Variants in SMTN observed in about 807,000 individuals in gnomAD.
SMTN encodes smoothelin.
In SMTN, 58 loss-of-function variants were observed where a neutral mutation model predicts 102.0. The ratio of observed to expected loss-of-function variants is 0.57; its 90% CI spans 0.46 to 0.71. The LOEUF is 0.71. Among genes scored for constraint, SMTN ranks in the 30% least tolerant of loss-of-function variants. The pLI is 0.00. For missense variants in SMTN, 1,185 were observed against 1,241.7 expected, an observed-to-expected ratio of 0.95 and a Z score of 0.69; for synonymous variants, 478 against 497.9, an observed-to-expected ratio of 0.96 and a Z score of 0.53.
In SMTN at chr22:31,099,087, G is replaced by A. The variant is rs745362626; in HGVS notation, c.2359G>A (p.Val787Met). 2 of 1,612,712 alleles carry A rather than the reference G, an allele frequency of 1.2e-6. No homozygotes were observed. Among genetic ancestry groups the A allele is most frequent in the South Asian group, 1.1e-5 (1 of 91,080 alleles). The change falls in exon 18 of 21, where the codon GTG becomes ATG. Residue 787 changes from valine to methionine, a missense_variant. Transcript: ENST00000333137. ...CAGCCCTGGCGGACCCCGCGCAGCC[G>A]TGCAGCGATCCACCAGCTTCGGGGT... ...AGSPGGPRAA[V>M]QRSTSFGVPN...
At chr22:31,099,444 T>C (rs57061227) in intron 18 of SMTN, 19 of 587,212 alleles carry the variant, frequency 3.2e-5, no homozygotes, top group African/African-American at 2.8e-4. Context: ...AGTCCCCTCC[T>C]TGTTGCTCTG....
chr22:31,096,937 G>T, intron 14 of SMTN, 40 bp downstream of exon 14: 1 of 1,612,922 alleles, frequency 6.2e-7, no homozygotes, highest in East Asian at 2.2e-5. Flanking sequence ...CTCAGGGTGG[G>T]AACACATCCT....
upstream of SMTN, among the ~76,000 whole-genome samples, chr22:31,077,729 C>T (rs2722062): frequency 0.14 from 20,700 of 151,894 alleles, 2,865 homozygotes; most frequent in African/African-American, 0.37. Flanking sequence ...CTGGAATTCA[C>T]TGCTGCCCAG....
chr22:31,093,435 C>T (rs1305071745), intron 11 of SMTN: 1 of 512,120 alleles, frequency 2.0e-6, no homozygotes, highest in Non-Finnish European at 3.7e-6. Flanking sequence ...CCCATAGAGT[C>T]CCCACCAGCA....
chr22:31,097,415 AGGGGT>A, intron 16 of SMTN, 77 bp downstream of exon 16: 1 of 1,346,182 alleles, frequency 7.4e-7, no homozygotes, highest in Non-Finnish European at 1.1e-6. Flanking sequence ...CGTTTTACAG[AGGGGT>A]GGGCTGGGCA....
In SMTN at chr22:31,098,763, G is replaced by T; in HGVS notation, c.2256G>T (p.Ala752=). 1 of 1,613,158 alleles carries T rather than the reference G, an allele frequency of 6.2e-7. No homozygotes were observed. The highest frequency in any genetic ancestry group is 8.5e-7 in the Non-Finnish European group (1 of 1,179,838). Residue 752 remains alanine, a synonymous_variant, in exon 17 of 21, where the codon GCG becomes GCT. Coordinates refer to ENST00000333137, the MANE Select transcript of SMTN (RefSeq NM_134269.3). The part of the protein sequence containing the change: ...QAEKKKELMK[A]QSLPKTSASQ... ...AGAAGAAGAAAGAGCTGATGAAGGC[G>T]CAGAGTCTGCCCAAGACCTCAGCCT... is the stretch of plus-strand genomic sequence containing the variant.
At chr22:31,096,938 A>G (rs2043637114) in intron 14 of SMTN, 41 bp downstream of exon 14, 1 of 1,612,606 alleles carries the variant, frequency 6.2e-7, no homozygotes, top group African/African-American at 1.3e-5. Flanking sequence ...TCAGGGTGGG[A>G]ACACATCCTC....
At chr22:31,068,496 C>G (rs1016410177) in intron 1 of SMTN, among the ~76,000 whole-genome samples, 2 of 152,132 alleles carry the variant, frequency 1.3e-5, no homozygotes, top group African/African-American at 4.8e-5. Context: ...AGCCCCTCAG[C>G]TGTCTTTTGT....
In SMTN at chr22:31,095,678, G is replaced by T. The variant is rs552519381; in HGVS notation, c.1861+69G>T. The T allele has an allele frequency of 2.8e-6, 4 of 1,414,776 alleles. No individual in the cohort carries two copies. The highest frequency in any genetic ancestry group is 3.9e-6 in the Non-Finnish European group (4 of 1,027,602). The allele number at this position is 1,414,776 out of a possible 1,614,324, so 87.6% of individuals were successfully genotyped here. ...CCCAGCTGCTCCCCTCATACTCTGG[G>T]GTCCATTTGTGGACACCCCAGCTTA... On this transcript the variant is annotated intron_variant, in intron 13 of 20. Transcript: ENST00000333137. The surrounding 1 kb of genome is among the most constrained non-coding windows in gnomAD (Gnocchi z 4.1).
chr22:31,085,936 G>C (rs12157641), intron 2 of SMTN, among the ~76,000 whole-genome samples: 31,555 of 152,134 alleles, frequency 0.21, 4,430 homozygotes, highest in East Asian at 0.45. Context: ...CAGAGACAAG[G>C]ACCCCATCTC....
chr22:31,095,276 AG>A lies in SMTN; in HGVS notation c.1633-26del. 1 of 1,611,072 alleles carries A rather than the reference AG, an allele frequency of 6.2e-7. No homozygotes were observed. On this transcript the variant is annotated intron_variant, in intron 11 of 20. Coordinates refer to ENST00000333137, the MANE Select transcript of SMTN (RefSeq NM_134269.3). The surrounding 1 kb of genome is among the most constrained non-coding windows in gnomAD (Gnocchi z 4.1). ...GAGTTTCACCCATACCCCTGCTTAA[AG>A]TCCATGCCCTCTCCCCACCCTGCAG...
intron 20 of SMTN, chr22:31,102,898 G>C (rs2044207591): frequency 6.6e-6 from 1 of 152,312 alleles, no homozygotes; most frequent in Non-Finnish European, 1.5e-5. Context: ...CCCAGTCTGG[G>C]ATAGGGATGA....
chr22:31,091,988 G>T (rs1602637887), intron 11 of SMTN, 141 bp downstream of exon 11: 2 of 808,144 alleles, frequency 2.5e-6, no homozygotes, highest in South Asian at 4.0e-5. Context: ...GAAGGTGGCT[G>T]CTCACAGACC....
At chr22:31,083,431 A>T (rs1490812191) in intron 2 of SMTN, 122 bp downstream of exon 2, 8 of 1,234,570 alleles carry the variant, frequency 6.5e-6, no homozygotes, top group Non-Finnish European at 8.8e-6. Context: ...GGAGGGGGAC[A>T]TGGGAACAGG....
rs139041434 is a variant in SMTN at position 31,088,046 on chromosome 22, G to A, written c.133G>A (p.Glu45Lys). The A allele has an allele frequency of 1.4e-5, 22 of 1,612,066 alleles. No individual in the cohort carries two copies. Among genetic ancestry groups the A allele is most frequent in the Non-Finnish European group, 1.6e-5 (19 of 1,178,936 alleles). Residue 45 changes from glutamate (E) to lysine (K), a missense_variant, in exon 3 of 21, where the codon GAG becomes AAG. Around this residue, in one of 2 missense-constraint regions of SMTN, gnomAD observed 1,096 missense variants for 1,112.7 expected, o/e 0.98. Coordinates refer to ENST00000333137, the MANE Select transcript of SMTN (RefSeq NM_134269.3). ...ACTGCAGCGGCAGGAGCTGGAGCGC[G>A]AGGAGGAGGCCCTGGCATCCAAGCG... is the stretch of plus-strand genomic sequence containing the variant. Reference protein sequence around the residue: ...RELQRQELEREEEALASKRFR... With the variant: ...RELQRQELERKEEALASKRFR...
In SMTN at chr22:31,092,713, G is replaced by A. The variant is rs1476578712; in HGVS notation, c.1632+866G>A. ...AGGGATTGTGTGGGGTGGGGTGGGGGGACCCGCTGAGGCCCTTGAGGTGGA... is the reference window on the plus strand; with the variant it reads ...AGGGATTGTGTGGGGTGGGGTGGGGAGACCCGCTGAGGCCCTTGAGGTGGA... On this transcript the variant is annotated intron_variant, in intron 11 of 20. Transcript: ENST00000333137. Among the ~76,000 whole-genome samples, 9 of 152,288 alleles carry A rather than the reference G, an allele frequency of 5.9e-5. 1 individual carries two copies. The East Asian group carries it at 9.7e-4, about 16-fold the overall frequency.
At position 31,095,642 on chromosome 22, in the gene SMTN, C is replaced by G. The variant is rs1267146936; in HGVS notation, c.1861+33C>G. On this transcript the variant is annotated intron_variant, in intron 13 of 20. Coordinates refer to ENST00000333137, the MANE Select transcript of SMTN (RefSeq NM_134269.3). The surrounding 1 kb of genome is among the most constrained non-coding windows in gnomAD (Gnocchi z 4.1). Reference sequence around the variant, plus strand: ...GCCAGTTGCCCTACCCTAGATCCAGCTGCCCCATTCCCCAGCTGCTCCCCT... The same window carrying G: ...GCCAGTTGCCCTACCCTAGATCCAGGTGCCCCATTCCCCAGCTGCTCCCCT... 1.3e-6 allele frequency: 2 copies of G among 1,573,590 alleles called. No homozygotes were observed. The highest frequency in any genetic ancestry group is 1.7e-6 in the Non-Finnish European group (2 of 1,154,118).
chr22:31,097,705 A>AAAAT (rs2043708120), intron 16 of SMTN, among the ~76,000 whole-genome samples: 1 of 141,500 alleles, frequency 7.1e-6, no homozygotes, highest in African/African-American at 2.9e-5. Flanking sequence ...CTCAGTCTCA[A>AAAAT]AAATAAATAG....
intron 2 of SMTN, among the ~76,000 whole-genome samples, chr22:31,084,221 C>A (rs568463580): frequency 7.2e-5 from 11 of 152,346 alleles, no homozygotes; most frequent in Admixed American, 1.3e-4. Context: ...GGCAGCCTGA[C>A]CTGGAGGAGG....
Sources: allele counts gnomAD v4.1 joint callset (sites outside exome capture counted in the v4.1 genomes callset), GRCh38; gene constraint gnomAD v4.1.1; regional missense constraint gnomAD v4.1.1; non-coding constraint Gnocchi (gnomAD v3.1); transcripts MANE v1.5; gene names NCBI Gene and HGNC (gene_info 2026-07-23, HGNC 2026-07-21).